The following ADSS1 variants were observed in gnomAD, a reference collection of about 807,000 sequenced individuals.
ADSS1 encodes adenylosuccinate synthase 1.
In ADSS1, 57 loss-of-function variants were observed where a neutral mutation model predicts 59.1. The observed-to-expected ratio is 0.97, with a 90% CI of 0.78 to 1.20. The LOEUF is 1.20. ADSS1 is among the 50% of genes most tolerant of loss of function. The pLI is 0.00. For missense variants in ADSS1, 603 were observed against 610.3 expected (o/e 0.99, Z 0.13); for synonymous variants, 247 against 249.4 (o/e 0.99, Z 0.09).
rs1891373921 is a variant in ADSS1 at position 104,741,906 on chromosome 14, G to A, written c.852G>A (p.Leu284=). 1 of 1,613,508 alleles carries A rather than the reference G, an allele frequency of 6.2e-7. No homozygotes were observed. The highest frequency in any genetic ancestry group is 8.5e-7 in the Non-Finnish European group (1 of 1,180,008). Residue 284 remains leucine (L), a synonymous_variant, in exon 9 of 13, where the codon CTG becomes CTA. Transcript: ENST00000330877. The part of the protein sequence containing the change: ...NCTVGGVCTG[L]GIPPQNIGDV... ...CCGTGGGCGGTGTGTGCACGGGCCT[G>A]GGCATCCCCCCGCAGAACATAGGTG... is the stretch of plus-strand genomic sequence containing the variant.
chr14:104,742,015 C>T lies in ADSS1; in HGVS notation c.948+13C>T, dbSNP rs1187570936. 6.2e-7 allele frequency: 1 copy of T among 1,611,306 alleles called. No homozygotes were observed. The highest frequency in any genetic ancestry group is 8.5e-7 in the Non-Finnish European group (1 of 1,179,256). On this transcript the variant is annotated intron_variant, in intron 9 of 12. Transcript: ENST00000330877. ...CGAGCAGATCAACGTGAGTCCCCAG[C>T]CCCTCGGGACCCCGTGGGAGGACAG...
In ADSS1 at chr14:104,739,370, C is replaced by T; in HGVS notation, c.401C>T (p.Ala134Val). 1 of 1,606,646 alleles carries T rather than the reference C, an allele frequency of 6.2e-7. No individual in the cohort carries two copies. Among genetic ancestry groups the T allele is most frequent in the Non-Finnish European group, 8.5e-7 (1 of 1,176,898 alleles). ...AAGAGGCTCATCATCTCTGACAGAG[C>T]CCACCTTGGTACGTTTCCCACTGGA... Reference protein sequence around the residue: ...WEKRLIISDRAHLVFDFHQAV... With the variant: ...WEKRLIISDRVHLVFDFHQAV... The change falls in exon 4 of 13, where the codon GCC (alanine) becomes GTC (valine). Residue 134 changes from alanine (A) to valine (V), a missense_variant. Ala to Val is a moderately conservative substitution (Grantham distance 64). Transcript: ENST00000330877.
intron 2 of ADSS1, 29 bp from the exon 3 acceptor site, chr14:104,738,347 T>G: frequency 1.9e-6 from 3 of 1,612,502 alleles, no homozygotes; most frequent in Non-Finnish European, 2.5e-6. Flanking sequence ...GACACAACTC[T>G]GTCTCTCATG....
intron 11 of ADSS1, chr14:104,745,523 C>T (rs2140831195): frequency 6.5e-6 from 1 of 153,270 alleles, no homozygotes; most frequent in South Asian, 2.1e-4. Context: ...TCCTCAGCAG[C>T]CCTGGGCGAG....
At chr14:104,739,840 C>T (rs1891273578) in intron 5 of ADSS1, 24 bp downstream of exon 5, 1 of 1,613,034 alleles carries the variant, frequency 6.2e-7, no homozygotes. Context: ...GACACTCTCA[C>T]CCTCGGGGAG....
chr14:104,740,615 A>G lies in ADSS1; in HGVS notation c.491A>G (p.Lys164Arg). The part of the protein sequence containing the change: ...AQEGKNIGTT[K>R]KGIGPTYSSK... ...CCATCTTTCAGTATAGGCACCACCA[A>G]GAAGGGAATCGGACCAACCTACTCT... Residue 164 changes from lysine (K) to arginine (R), a missense_variant, in exon 6 of 13, where the codon AAG becomes AGG. Physicochemically the swap from Lys to Arg is conservative, Grantham distance 26. Transcript: ENST00000330877. This position sits in a 1 kb window ranked among gnomAD's most constrained non-coding sequence, Gnocchi z 4.8. 2 of 1,613,920 alleles carry G rather than the reference A, an allele frequency of 1.2e-6. No individual in the cohort carries two copies. The highest frequency in any genetic ancestry group is 2.7e-5 in the African/African-American group (2 of 75,004).
At chr14:104,744,775 A>T in intron 10 of ADSS1, 37 bp from the exon 11 acceptor site, 1 of 1,603,162 alleles carries the variant, frequency 6.2e-7, no homozygotes, top group Non-Finnish European at 8.5e-7. Flanking sequence ...ACTGCTGACC[A>T]CTTCTTGGGT....
chr14:104,741,439 G>A (rs1891351967), intron 8 of ADSS1, among the ~76,000 whole-genome samples, 196 bp downstream of exon 8: 1 of 152,212 alleles, frequency 6.6e-6, no homozygotes, highest in African/African-American at 2.4e-5. Context: ...AGAGGAGAAA[G>A]GGCTGGGCTA....
intron 2 of ADSS1, 122 bp from the exon 3 acceptor site, chr14:104,738,254 T>C: frequency 1.0e-6 from 1 of 978,762 alleles, no homozygotes; most frequent in South Asian, 1.5e-5. Context: ...TGCCTCAGCC[T>C]CCCAAAGTGC....
chr14:104,746,108 C>A, intron 11 of ADSS1, 128 bp from the exon 12 acceptor site: 1 of 1,290,976 alleles, frequency 7.7e-7, no homozygotes, highest in Non-Finnish European at 1.1e-6. Flanking sequence ...TGCCCACTTG[C>A]TGCCTTCCTT....
intron 11 of ADSS1, chr14:104,745,282 A>C (rs1018083757): frequency 4.4e-6 from 1 of 227,512 alleles, no homozygotes; most frequent in African/African-American, 2.3e-5. Flanking sequence ...GGAAGATGTA[A>C]AGCTCTATGC....
chr14:104,735,456 C>T (rs549396905), intron 2 of ADSS1, among the ~76,000 whole-genome samples: 3 of 152,366 alleles, frequency 2.0e-5, no homozygotes, highest in Admixed American at 1.3e-4. Flanking sequence ...AGACCACACG[C>T]CCATGTGCCC....
chr14:104,735,036 G>A lies in ADSS1; in HGVS notation c.209G>A (p.Gly70Asp), dbSNP rs747429946. Residue 70 changes from glycine (G) to aspartate (D), a missense_variant, in exon 2 of 13, where the codon GGC becomes GAC. Gly to Asp is a moderately conservative substitution (Grantham distance 94, BLOSUM62 -1). Coordinates refer to ENST00000330877, the MANE Select transcript of ADSS1 (RefSeq NM_152328.5). ...ISRCQGGNNA[G>D]HTVVVDGKEY... ...CTGTTCCAGGGGGGCAACAACGCCG[G>A]CCACACGGTGGTGGTGGATGGGAAA... is the stretch of plus-strand genomic sequence containing the variant. 2 of 1,613,090 alleles carry A rather than the reference G, an allele frequency of 1.2e-6. No homozygotes were observed. Among genetic ancestry groups the A allele is most frequent in the Non-Finnish European group, 1.7e-6 (2 of 1,179,326 alleles).
chr14:104,734,125 G>A (rs1225868617), intron 1 of ADSS1, among the ~76,000 whole-genome samples: 5 of 152,238 alleles, frequency 3.3e-5, no homozygotes, highest in Non-Finnish European at 7.4e-5. Context: ...CTCTTCCTCA[G>A]CTGTGAAGCG....
At chr14:104,735,156 G>C (rs141635495) in intron 2 of ADSS1, 34 bp downstream of exon 2, 121 of 1,557,136 alleles carry the variant, frequency 7.8e-5, no homozygotes, top group Non-Finnish European at 1.0e-4. Context: ...GTGTGAGCAG[G>C]AAAGGGGGTG....
At chr14:104,725,498 A>G (rs1271146596) in intron 1 of ADSS1, among the ~76,000 whole-genome samples, 1 of 152,118 alleles carries the variant, frequency 6.6e-6, no homozygotes, top group Non-Finnish European at 1.5e-5. Flanking sequence ...GAGTCAGCCC[A>G]GCACCCTGTG....
At position 104,740,039 on chromosome 14, in the gene ADSS1, G is replaced by C. The variant is rs1272427759; in HGVS notation, c.476+223G>C. Among the ~76,000 whole-genome samples, 1 of 152,122 alleles carries C rather than the reference G, an allele frequency of 6.6e-6. No individual in the cohort carries two copies. The highest frequency in any genetic ancestry group is 6.5e-5 in the Admixed American group (1 of 15,276). On this transcript the variant is annotated intron_variant, in intron 5 of 12. Transcript: ENST00000330877. This position sits in a 1 kb window ranked among gnomAD's most constrained non-coding sequence, Gnocchi z 4.8. ...CACACTGTCCTTGCCGGCTGCCACT[G>C]CCACGCGGCTCCCCCCAGGAGTGCA... is the stretch of plus-strand genomic sequence containing the variant.
intron 1 of ADSS1, among the ~76,000 whole-genome samples, chr14:104,729,402 T>A (rs1890815265): frequency 6.6e-6 from 1 of 152,104 alleles, no homozygotes; most frequent in African/African-American, 2.4e-5. Context: ...GCATGCGCCA[T>A]CTGGGCAGTG....
chr14:104,735,467 G>T (rs769992855), intron 2 of ADSS1, among the ~76,000 whole-genome samples: 1 of 152,208 alleles, frequency 6.6e-6, no homozygotes, highest in Non-Finnish European at 1.5e-5. Context: ...CCATGTGCCC[G>T]TGACTCCATG....
Sources: gnomAD v4.1 joint callset for allele counts (sites outside exome capture counted in the v4.1 genomes callset) on GRCh38, gnomAD v4.1.1 for gene constraint, Gnocchi (gnomAD v3.1) non-coding constraint, MANE v1.5 for transcripts, NCBI Gene and HGNC (gene_info 2026-07-23, HGNC 2026-07-21) for gene names.